GFRA3: variants seen among roughly 807,000 people sequenced by gnomAD.
GFRA3 encodes GDNF family receptor alpha 3.
GFRA3 carries 24 observed loss-of-function variants against 40.0 expected under a neutral mutation model. The ratio of observed to expected loss-of-function variants is 0.60; its 90% CI spans 0.43 to 0.84. The LOEUF (loss-of-function observed/expected upper bound fraction) is 0.84, where lower values mean the gene tolerates loss of function less well. Among genes scored for constraint, GFRA3 ranks in the 40% least tolerant of loss-of-function variants. The pLI is 0.00. For synonymous variants in GFRA3, 203 were observed against 213.5 expected (o/e 0.95, Z 0.43); for missense variants, 405 against 530.6 (o/e 0.76, Z 2.33).
chr5:138,253,298 T>C lies in GFRA3; in HGVS notation c.1102A>G (p.Met368Val). Residue 368 changes from methionine to valine, a missense_variant, in exon 7 of 8, where the codon ATG becomes GTG. Transcript: ENST00000274721. ...QDWPHPTFAVMAHQNENPAVR... is the reference protein window; with the variant it reads ...QDWPHPTFAVVAHQNENPAVR... ...AGAGGAGGCCCTACCTGGTGTGCCATCACAGCAAAGGTAGGGTGTGGCCAG... is the reference window on the plus strand; with the variant it reads ...AGAGGAGGCCCTACCTGGTGTGCCACCACAGCAAAGGTAGGGTGTGGCCAG... 1 of 1,594,478 alleles carries C rather than the reference T, an allele frequency of 6.3e-7. No individual in the cohort carries two copies.
At chr5:138,270,482 A>G (rs541425819) in intron 1 of GFRA3, among the ~76,000 whole-genome samples, 3 of 151,948 alleles carry the variant, frequency 2.0e-5, no homozygotes, top group Non-Finnish European at 4.4e-5. Context: ...AACATCGTAT[A>G]TTCTCACTGA....
At chr5:138,272,133 G>A (rs995138408) in intron 1 of GFRA3, among the ~76,000 whole-genome samples, 8 of 150,938 alleles carry the variant, frequency 5.3e-5, no homozygotes, top group African/African-American at 1.7e-4. Context: ...AGCCTCCCGG[G>A]TAGTTGGGAC....
intron 1 of GFRA3, among the ~76,000 whole-genome samples, chr5:138,271,546 T>C (rs540000506): frequency 6.6e-6 from 1 of 152,176 alleles, no homozygotes; most frequent in African/African-American, 2.4e-5. Flanking sequence ...TTAGTCAGCA[T>C]AGTTCCGTTC....
intron 4 of GFRA3, among the ~76,000 whole-genome samples, chr5:138,255,116 A>C: frequency 6.6e-6 from 1 of 151,080 alleles, no homozygotes; most frequent in African/African-American, 2.4e-5. Context: ...GAAGGAAGGA[A>C]GGAGGGAGGG....
At chr5:138,253,688 C>G in intron 6 of GFRA3, 78 bp downstream of exon 6, 2 of 1,382,460 alleles carry the variant, frequency 1.4e-6, no homozygotes, top group Non-Finnish European at 2.0e-6. Context: ...CAGCCTGGGC[C>G]ACAGAGTCGA....
At position 138,264,465 on chromosome 5, in the gene GFRA3, C is replaced by T. The variant is rs887242676; in HGVS notation, c.175G>A (p.Ala59Thr). 2.5e-6 allele frequency: 4 copies of T among 1,613,562 alleles called. No individual in the cohort carries two copies. ...CAGGAATCCAGGTGGTGGTAGGCAG[C>T]ACTGCAGGTGGGATCAGCCTGGCAC... ...RKCQADPTCSAAYHHLDSCTS... is the reference protein window; with the variant it reads ...RKCQADPTCSTAYHHLDSCTS... Residue 59 changes from alanine (A) to threonine (T), a missense_variant, in exon 2 of 8, where the codon GCT (alanine) becomes ACT (threonine). Coordinates refer to ENST00000274721, the MANE Select transcript of GFRA3 (RefSeq NM_001496.4).
At position 138,253,371 on chromosome 5, in the gene GFRA3, C is replaced by G. The variant is rs1287345467; in HGVS notation, c.1029G>C (p.Glu343Asp). Reference protein sequence around the residue: ...GFFSHNPCLTEAIAAKMRFHS... With the variant: ...GFFSHNPCLTDAIAAKMRFHS... ...GAAAACGCATCTTAGCTGCAATGGC[C>G]TCCGCTGAAGAGAGGAGAGAAGGCT... The change falls in exon 7 of 8, where the codon GAG (glutamate) becomes GAC (aspartate). Residue 343 changes from glutamate to aspartate, a missense_variant. Glu to Asp is a conservative substitution (Grantham distance 45). Coordinates refer to ENST00000274721, the MANE Select transcript of GFRA3 (RefSeq NM_001496.4). The G allele has an allele frequency of 1.3e-6, 2 of 1,586,436 alleles. No homozygotes were observed. Among genetic ancestry groups the G allele is most frequent in the Non-Finnish European group, 1.7e-6 (2 of 1,161,572 alleles).
At chr5:138,259,676 A>T (rs978993338) in intron 2 of GFRA3, 27 bp from the exon 3 acceptor site, 1 of 961,014 alleles carries the variant, frequency 1.0e-6, no homozygotes. Flanking sequence ...GAGCACCAGA[A>T]TGCTGAGGAC....
At chr5:138,271,909 T>TG (rs61550132) in intron 1 of GFRA3, among the ~76,000 whole-genome samples, 20 of 99,686 alleles carry the variant, frequency 2.0e-4, no homozygotes, top group African/African-American at 3.2e-4. Context: ...TTTTTTTTTT[T>TG]TTTTTGTGTG....
At chr5:138,258,855 C>T (rs903531983) in intron 3 of GFRA3, among the ~76,000 whole-genome samples, 1 of 152,214 alleles carries the variant, frequency 6.6e-6, no homozygotes, top group Non-Finnish European at 1.5e-5. Flanking sequence ...TTTCTATTAA[C>T]AGAATATTCC....
In GFRA3 at chr5:138,253,017, G is replaced by A. The variant is rs763786816; in HGVS notation, c.1154C>T (p.Ser385Phe). The part of the protein sequence containing the change: ...PAVRPQPWVP[S>F]LFSCTLPLIL... The stretch of plus-strand genomic sequence containing the variant: ...CAAGGGAAGCGTGCAGGAGAAAAGA[G>A]AGGGCACCCAGGGCTGTGGCCTCAC... Residue 385 changes from serine to phenylalanine, a missense_variant, in exon 8 of 8, where the codon TCT becomes TTT. Coordinates refer to ENST00000274721, the MANE Select transcript of GFRA3 (RefSeq NM_001496.4). 1 of 1,610,520 alleles carries A rather than the reference G, an allele frequency of 6.2e-7. No homozygotes were observed. Among genetic ancestry groups the A allele is most frequent in the South Asian group, 1.1e-5 (1 of 90,908 alleles).
At position 138,253,830 on chromosome 5, in the gene GFRA3, G is replaced by A. The variant is rs763522741; in HGVS notation, c.960C>T (p.Gly320=). ...TSVALSCTCR[G]SGNLQEECEM... ...CACACTCCTCCTGCAGGTTGCCACT[G>A]CCTCGGCAGGTGCAGCTTAAGGCAA... Residue 320 remains glycine, a synonymous_variant, in exon 6 of 8, where the codon GGC becomes GGT. Coordinates refer to ENST00000274721, the MANE Select transcript of GFRA3 (RefSeq NM_001496.4). 1 of 1,613,910 alleles carries A rather than the reference G, an allele frequency of 6.2e-7. No individual in the cohort carries two copies. Among genetic ancestry groups the A allele is most frequent in the Admixed American group, 1.7e-5 (1 of 60,010 alleles).
rs948109733 is a variant in GFRA3, at chr5:138,274,542, A to G, written c.-118T>C. The G allele has an allele frequency of 1.6e-6, 2 of 1,232,460 alleles. No individual in the cohort carries two copies. The highest frequency in any genetic ancestry group is 3.1e-5 in the African/African-American group (2 of 64,240). The allele number at this position is 1,232,460 out of a possible 1,614,324, so 76.3% of individuals were successfully genotyped here. ...CCTCCCGCCCTCCAGCGCGACGCACACACTCTCCCACCAGGGTCCTGGGCG... is the reference window on the plus strand; with the variant it reads ...CCTCCCGCCCTCCAGCGCGACGCACGCACTCTCCCACCAGGGTCCTGGGCG... On this transcript the variant is annotated 5_prime_UTR_variant, in exon 1 of 8. Transcript: ENST00000274721.
chr5:138,253,245 G>A lies in GFRA3; in HGVS notation c.1113+42C>T, dbSNP rs55750306. On this transcript the variant is annotated intron_variant, in intron 7 of 7. Transcript: ENST00000274721. ...TGCCTAGTTTGGGTTTTCCCCAGCC[G>A]GCCCAGTAAAGGTCTGAGGGGTGTA... is the stretch of plus-strand genomic sequence containing the variant. The A allele has an allele frequency of 1.2e-3, 1,635 of 1,335,802 alleles. 3 individuals carry two copies. Among genetic ancestry groups the A allele is most frequent in the Non-Finnish European group, 1.4e-3 (1,315 of 945,868 alleles). The allele number at this position is 1,335,802 out of a possible 1,614,324, so 82.7% of individuals were successfully genotyped here. A position where few individuals can be genotyped will look rare whatever the true frequency, so the allele number is the denominator to read the frequency against.
chr5:138,260,758 C>T (rs373600771), intron 2 of GFRA3, among the ~76,000 whole-genome samples: 1 of 138,754 alleles, frequency 7.2e-6, no homozygotes, highest in Middle Eastern at 4.8e-3. Flanking sequence ...GACAGTGAGT[C>T]TCCATCTGAA....
chr5:138,258,759 T>C (rs1412855568), intron 3 of GFRA3, among the ~76,000 whole-genome samples: 6 of 152,184 alleles, frequency 3.9e-5, no homozygotes, highest in Admixed American at 1.3e-4. Flanking sequence ...TCCTGTTCCA[T>C]TTTAATGTCA....
In GFRA3 at chr5:138,257,519, A is replaced by C. The variant is rs1476232697; in HGVS notation, c.785+120T>G. Reference sequence around the variant, plus strand: ...AAATATCCAAGGTAGCTACTTCGTGAAGCAGCCAGTGGGTCCACGGTTCCC... The same window carrying C: ...AAATATCCAAGGTAGCTACTTCGTGCAGCAGCCAGTGGGTCCACGGTTCCC... On this transcript the variant is annotated intron_variant, in intron 4 of 7. Coordinates refer to ENST00000274721, the MANE Select transcript of GFRA3 (RefSeq NM_001496.4). 9.6e-6 allele frequency: 7 copies of C among 727,422 alleles called. No individual in the cohort carries two copies. The East Asian group carries it at 1.8e-4, about 19-fold the overall frequency. 45.1% of individuals were successfully genotyped at this position (727,422 alleles called of 1,614,324 possible). A position where few individuals can be genotyped will look rare whatever the true frequency, so the allele number is the denominator to read the frequency against.
At chr5:138,263,814 C>T (rs1461302768) in intron 2 of GFRA3, among the ~76,000 whole-genome samples, 1 of 152,270 alleles carries the variant, frequency 6.6e-6, no homozygotes, top group South Asian at 2.1e-4. Flanking sequence ...CTCTTTGGCT[C>T]TTTCTGTGCC....
chr5:138,271,532 T>G (rs755222788), intron 1 of GFRA3, among the ~76,000 whole-genome samples: 86 of 152,244 alleles, frequency 5.6e-4, no homozygotes, highest in Non-Finnish European at 9.7e-4. Flanking sequence ...CAAATGTGTC[T>G]TTTTTAGTCA....
Sources: gnomAD v4.1 joint callset for allele counts (sites outside exome capture counted in the v4.1 genomes callset) on GRCh38, gnomAD v4.1.1 for gene constraint, MANE v1.5 for transcripts, NCBI Gene and HGNC (gene_info 2026-07-23, HGNC 2026-07-21) for gene names.